Variants in SLC38A6 observed in about 807,000 individuals in gnomAD.
The protein encoded by SLC38A6 is solute carrier family 38 member 6, also known as N system amino acid transporter NAT-1.
Under a neutral mutation model 65.0 loss-of-function variants are expected in SLC38A6, and 73 were observed. The ratio of observed to expected loss-of-function variants is 1.12; its 90% CI spans 0.93 to 1.37. The LOEUF (loss-of-function observed/expected upper bound fraction) is 1.37, where lower values mean the gene tolerates loss of function less well. SLC38A6 is among the 40% of genes most tolerant of loss of function. The probability of loss-of-function intolerance (pLI) is 0.00; values close to 1 mark genes in which losing one functional copy is unlikely to be tolerated. For synonymous variants in SLC38A6, 183 were observed against 178.8 expected (o/e 1.02, Z -0.19); for missense variants, 561 against 531.1 (o/e 1.06, Z -0.55).
At chr14:61,030,390 T>C in intron 5 of SLC38A6, 55 bp from the exon 6 acceptor site, 2 of 1,348,596 alleles carry the variant, frequency 1.5e-6, no homozygotes, top group South Asian at 2.6e-5. Context: ...GGATTATTGT[T>C]TAAATGGTTA....
At chr14:61,054,616 A>G (rs1016742236), downstream of SLC38A6, among the ~76,000 whole-genome samples, 2 of 151,792 alleles carry the variant, frequency 1.3e-5, no homozygotes, top group Non-Finnish European at 2.9e-5. Flanking sequence ...ATTCCTAGGT[A>G]TTTTATTCTT....
At chr14:61,075,825 G>GTA (rs2043391331) in intron 15 of SLC38A6, among the ~76,000 whole-genome samples, 1 of 139,140 alleles carries the variant, frequency 7.2e-6, no homozygotes, top group Admixed American at 7.1e-5. Flanking sequence ...GTGTGTGTGT[G>GTA]TGTGTGTATG....
chr14:61,080,621 T>C (rs185886212), intron 16 of SLC38A6, among the ~76,000 whole-genome samples: 5 of 152,338 alleles, frequency 3.3e-5, no homozygotes, highest in Admixed American at 2.6e-4. Flanking sequence ...TGGGGAGCTT[T>C]TGTCTCTGCA....
At chr14:61,070,085 T>A (rs941338140) in intron 15 of SLC38A6, among the ~76,000 whole-genome samples, 14 of 152,366 alleles carry the variant, frequency 9.2e-5, no homozygotes, top group African/African-American at 2.9e-4. Context: ...AAATCTGCCC[T>A]CTTAACAAAC....
intron 3 of SLC38A6, among the ~76,000 whole-genome samples, chr14:61,011,884 A>G (rs145806738): frequency 1.9e-3 from 290 of 152,198 alleles, no homozygotes; most frequent in African/African-American, 6.7e-3. Flanking sequence ...GTATCAGGAT[A>G]ATGCTGGCCT....
chr14:61,072,303 A>G (rs1263723463), intron 15 of SLC38A6, among the ~76,000 whole-genome samples: 1 of 152,188 alleles, frequency 6.6e-6, no homozygotes, highest in Non-Finnish European at 1.5e-5. Context: ...GTTTCGATAC[A>G]GACATGCAAT....
rs2041937109 is a variant in SLC38A6, at chr14:61,043,487, T to A, written c.728T>A (p.Phe243Tyr). 2 of 1,608,308 alleles carry A rather than the reference T, an allele frequency of 1.2e-6. No individual in the cohort carries two copies. Among genetic ancestry groups the A allele is most frequent in the Non-Finnish European group, 1.7e-6 (2 of 1,177,584 alleles). The part of the protein sequence containing the change: ...NVTDDCKPKL[F>Y]HFSKESAYAL... The stretch of plus-strand genomic sequence containing the variant: ...ACAGATGATTGTAAGCCAAAGCTCT[T>A]TCATTTCTCCAAAGAGGTGTGTAAG... Residue 243 changes from phenylalanine (F) to tyrosine (Y), a missense_variant, in exon 10 of 16, where the codon TTT (phenylalanine) becomes TAT (tyrosine). Transcript: ENST00000267488.
chr14:60,997,693 GAAAC>G (rs1355633904), intron 3 of SLC38A6, among the ~76,000 whole-genome samples: 1 of 152,156 alleles, frequency 6.6e-6, no homozygotes, highest in African/African-American at 2.4e-5. Context: ...ATAAAAGAAA[GAAAC>G]AGGTTAACAA....
At chr14:60,995,003 C>CAAAAAAAAAAA (rs34888148) in intron 3 of SLC38A6, among the ~76,000 whole-genome samples, 4 of 73,154 alleles carry the variant, frequency 5.5e-5, no homozygotes, top group South Asian at 4.3e-4. Context: ...GACTCCATCT[C>CAAAAAAAAAAA]AAAAAAAAAA....
chr14:61,070,109 A>C (rs1269333538), intron 15 of SLC38A6, among the ~76,000 whole-genome samples: 1 of 152,224 alleles, frequency 6.6e-6, no homozygotes, highest in Non-Finnish European at 1.5e-5. Flanking sequence ...TAAGTGTACG[A>C]TATAGTGTTG....
chr14:61,052,148 T>C lies in SLC38A6; in HGVS notation c.1290+13T>C. 5 of 1,534,450 alleles carry C rather than the reference T, an allele frequency of 3.3e-6. No homozygotes were observed. Among genetic ancestry groups the C allele is most frequent in the Non-Finnish European group, 4.4e-6 (5 of 1,147,898 alleles). ...GAAAAAGCTTGGGGTAGGTTGTTTT[T>C]GTTTCTTTCTTTCAAGACTTCTATT... On this transcript the variant is annotated intron_variant, in intron 15 of 15. Coordinates refer to ENST00000267488, the MANE Select transcript of SLC38A6 (RefSeq NM_153811.3).
At chr14:61,069,964 C>T (rs1031871640) in intron 15 of SLC38A6, among the ~76,000 whole-genome samples, 5 of 152,122 alleles carry the variant, frequency 3.3e-5, no homozygotes, top group East Asian at 1.9e-4. Flanking sequence ...GATATACACC[C>T]GCAAATGTTG....
intron 4 of SLC38A6, among the ~76,000 whole-genome samples, chr14:61,019,154 A>G (rs893577180): frequency 1.3e-5 from 2 of 152,224 alleles, no homozygotes; most frequent in African/African-American, 4.8e-5. Context: ...TAGCATTGGC[A>G]TAGCACACCC....
At chr14:61,027,331 A>T (rs2040663828) in intron 5 of SLC38A6, among the ~76,000 whole-genome samples, 1 of 152,148 alleles carries the variant, frequency 6.6e-6, no homozygotes, top group Non-Finnish European at 1.5e-5. Flanking sequence ...ACTTAACTAT[A>T]TGCATGGCTC....
At chr14:61,072,166 A>G (rs2043250673) in intron 15 of SLC38A6, among the ~76,000 whole-genome samples, 1 of 152,230 alleles carries the variant, frequency 6.6e-6, no homozygotes, top group Non-Finnish European at 1.5e-5. Flanking sequence ...TGTTCCTCAA[A>G]TGACACATAA....
At chr14:61,019,705 G>T (rs1237979767) in intron 5 of SLC38A6, 125 bp downstream of exon 5, 2 of 898,402 alleles carry the variant, frequency 2.2e-6, no homozygotes, top group Non-Finnish European at 3.5e-6. Context: ...AAGCCTGTGT[G>T]TTGGCCTCTT....
At chr14:61,054,228 T>A (rs1193233220), downstream of SLC38A6, among the ~76,000 whole-genome samples, 2 of 152,150 alleles carry the variant, frequency 1.3e-5, no homozygotes, top group Non-Finnish European at 2.9e-5. Context: ...GTTCCATTGG[T>A]CTATGTGCCT....
At chr14:61,050,687 G>A in intron 13 of SLC38A6, 51 bp downstream of exon 13, 2 of 1,383,998 alleles carry the variant, frequency 1.4e-6, no homozygotes, top group Non-Finnish European at 9.5e-7. Context: ...TTCCTAATAG[G>A]GAAACACTAA....
At chr14:61,054,079 A>G (rs964314483), downstream of SLC38A6, among the ~76,000 whole-genome samples, 15 of 152,062 alleles carry the variant, frequency 9.9e-5, no homozygotes, top group South Asian at 4.1e-4. Flanking sequence ...TACAGCTTCA[A>G]TCTTCTGCAT....
Sources: gnomAD v4.1 joint callset for allele counts (sites outside exome capture counted in the v4.1 genomes callset) on GRCh38, gnomAD v4.1.1 for gene constraint, MANE v1.5 for transcripts, NCBI Gene and HGNC (gene_info 2026-07-23, HGNC 2026-07-21) for gene names.